Variants in STK32A observed in about 807,000 individuals in gnomAD.
STK32A encodes the protein serine/threonine-protein kinase 32A.
A neutral mutation model predicts 53.2 loss-of-function variants in STK32A; 41 were observed. That is an observed-to-expected ratio of 0.77 (90% CI 0.60 to 1.00). The LOEUF is 1.00. STK32A is among the 50% of genes least tolerant of loss of function. The pLI is 0.00. For missense variants in STK32A, 458 were observed against 485.8 expected, an observed-to-expected ratio of 0.94 and a Z score of 0.54; for synonymous variants, 166 against 162.8, an observed-to-expected ratio of 1.02 and a Z score of -0.15.
intron 4 of STK32A, among the ~76,000 whole-genome samples, chr5:147,286,132 G>A (rs570747768): frequency 1.8e-4 from 27 of 152,286 alleles, no homozygotes; most frequent in Admixed American, 5.9e-4. Context: ...CAGTGACCTG[G>A]ATGAGATTGG....
chr5:147,312,293 G>T (rs1753741779), intron 4 of STK32A, among the ~76,000 whole-genome samples: 1 of 152,008 alleles, frequency 6.6e-6, no homozygotes, highest in Admixed American at 6.6e-5. Context: ...TAGTAGAGAC[G>T]GGGTTTTGCC....
At chr5:147,375,064 G>A in intron 10 of STK32A, 26 bp from the exon 11 acceptor site, 3 of 1,582,144 alleles carry the variant, frequency 1.9e-6, no homozygotes, top group Non-Finnish European at 1.7e-6. Flanking sequence ...GTAATCTGAG[G>A]ATTGAGCCAA....
chr5:147,301,100 G>T (rs1753110307), intron 4 of STK32A, among the ~76,000 whole-genome samples: 1 of 152,144 alleles, frequency 6.6e-6, no homozygotes, highest in South Asian at 2.1e-4. Context: ...GCCATCTTGA[G>T]GTTACAGAAA....
At chr5:147,242,583 A>G (rs1389523477) in intron 2 of STK32A, among the ~76,000 whole-genome samples, 1 of 152,172 alleles carries the variant, frequency 6.6e-6, no homozygotes, top group African/African-American at 2.4e-5. Context: ...CTGAAAGATG[A>G]GAAGAAGCCA....
intron 4 of STK32A, among the ~76,000 whole-genome samples, chr5:147,308,802 T>C (rs1043456959): frequency 6.6e-6 from 1 of 151,790 alleles, no homozygotes; most frequent in South Asian, 2.1e-4. Flanking sequence ...ATTTCTATTG[T>C]GAGTGAAGCA....
intron 1 of STK32A, among the ~76,000 whole-genome samples, chr5:147,236,123 A>G (rs997236902): frequency 2.6e-5 from 4 of 152,180 alleles, no homozygotes; most frequent in Non-Finnish European, 4.4e-5. Context: ...CTAGAAGACC[A>G]CACCTCTTTA....
At chr5:147,393,798 C>A in the STK32A span, 1 of 536,372 alleles carries the variant, frequency 1.9e-6, no homozygotes, top group Non-Finnish European at 3.4e-6. Context: ...TGATTGCATG[C>A]ATGTAAATGG....
chr5:147,245,861 C>G (rs1000103907), intron 2 of STK32A, among the ~76,000 whole-genome samples: 1 of 152,148 alleles, frequency 6.6e-6, no homozygotes, highest in East Asian at 1.9e-4. Context: ...GTGGCTGTTT[C>G]CAGTTTTCCA....
At chr5:147,268,020 T>C (rs1478588035) in intron 2 of STK32A, among the ~76,000 whole-genome samples, 1 of 152,164 alleles carries the variant, frequency 6.6e-6, no homozygotes, top group Non-Finnish European at 1.5e-5. Flanking sequence ...GATTCCCAGG[T>C]CCAGCCTCCA....
intron 4 of STK32A, among the ~76,000 whole-genome samples, chr5:147,290,513 T>G (rs1752549789): frequency 6.6e-6 from 1 of 152,276 alleles, no homozygotes; most frequent in South Asian, 2.1e-4. Context: ...TAGGCCCCAG[T>G]CTTTCCCAGC....
the STK32A span, chr5:147,397,810 C>A: frequency 1.9e-6 from 3 of 1,613,470 alleles, no homozygotes; most frequent in African/African-American, 1.3e-5. Context: ...GAGCCCCGCG[C>A]AGCTCCATCC....
chr5:147,400,672 C>G, the STK32A span: 1 of 1,612,370 alleles, frequency 6.2e-7, no homozygotes, highest in South Asian at 1.1e-5. Context: ...GGCCACCCTC[C>G]CATGACCTCC....
chr5:147,260,167 C>CTG (rs1312368158), intron 2 of STK32A, among the ~76,000 whole-genome samples: 20 of 50,618 alleles, frequency 4.0e-4, no homozygotes, highest in African/African-American at 1.6e-3. Flanking sequence ...CTCTCTGTCT[C>CTG]TCTCTCTCTC....
At chr5:147,344,189 G>A (rs538791543) in intron 6 of STK32A, among the ~76,000 whole-genome samples, 2 of 152,190 alleles carry the variant, frequency 1.3e-5, no homozygotes, top group Non-Finnish European at 2.9e-5. Context: ...AAGTGGAACT[G>A]AAACTCCAAG....
At chr5:147,278,030 C>T (rs1214662885) in intron 2 of STK32A, 94 bp from the exon 3 acceptor site, 3 of 1,083,998 alleles carry the variant, frequency 2.8e-6, no homozygotes, top group Non-Finnish European at 2.7e-6. Context: ...ATGTTTTAGA[C>T]AAGATACTTC....
intron 4 of STK32A, among the ~76,000 whole-genome samples, chr5:147,292,266 A>C (rs1162304885): frequency 4.6e-5 from 7 of 152,228 alleles, no homozygotes; most frequent in Non-Finnish European, 8.8e-5. Flanking sequence ...ATGTCATTTC[A>C]CCCAAAGCCT....
In STK32A at chr5:147,384,819, G is replaced by A. The variant is rs1757588484; in HGVS notation, c.*836G>A. 1 of 177,536 alleles carries A rather than the reference G, an allele frequency of 5.6e-6. No individual in the cohort carries two copies. Among genetic ancestry groups the A allele is most frequent in the Non-Finnish European group, 1.2e-5 (1 of 85,272 alleles). 11.0% of individuals were successfully genotyped at this position (177,536 alleles called of 1,614,324 possible). A position where few individuals can be genotyped will look rare whatever the true frequency, so the allele number is the denominator to read the frequency against. On this transcript the variant is annotated 3_prime_UTR_variant, in exon 13 of 13. Transcript: ENST00000397936. ...AGAGACCTGTATCTGGAGAGGATCAGAAAAGAATGTCATCACACTGAAAGT... is the reference window on the plus strand; with the variant it reads ...AGAGACCTGTATCTGGAGAGGATCAAAAAAGAATGTCATCACACTGAAAGT...
At chr5:147,353,864 G>A (rs1386706068) in intron 7 of STK32A, among the ~76,000 whole-genome samples, 1 of 152,166 alleles carries the variant, frequency 6.6e-6, no homozygotes, top group Non-Finnish European at 1.5e-5. Flanking sequence ...TGTTTAAACT[G>A]GTGGGATTAA....
intron 2 of STK32A, among the ~76,000 whole-genome samples, chr5:147,271,194 C>A (rs905720331): frequency 6.6e-6 from 1 of 152,110 alleles, no homozygotes; most frequent in Non-Finnish European, 1.5e-5. Flanking sequence ...TTTATTAGAT[C>A]CCCAAATTAA....
Sources: gnomAD v4.1 joint callset for allele counts (sites outside exome capture counted in the v4.1 genomes callset) on GRCh38, gnomAD v4.1.1 for gene constraint, MANE v1.5 for transcripts, NCBI Gene and HGNC (gene_info 2026-07-23, HGNC 2026-07-21) for gene names.